The following MYOF variants were observed in gnomAD, a reference collection of about 807,000 sequenced individuals.
The protein encoded by MYOF is myoferlin, also known as fer-1-like 3, myoferlin.
MYOF carries 244 observed loss-of-function variants against 284.2 expected under a neutral mutation model. The ratio of observed to expected loss-of-function variants is 0.86; its 90% CI spans 0.77 to 0.95. MYOF has a LOEUF of 0.95. MYOF is among the 40% of genes least tolerant of loss of function. The pLI, the probability that MYOF is intolerant of heterozygous loss-of-function variation, is 0.00. For synonymous variants in MYOF, 904 were observed against 919.7 expected (o/e 0.98, Z 0.31); for missense variants, 2,496 against 2,560.6 (o/e 0.97, Z 0.54).
At chr10:93,387,715 CCTTCCGA>C in intron 19 of MYOF, 75 bp downstream of exon 19, 2 of 1,142,616 alleles carry the variant, frequency 1.8e-6, no homozygotes, top group Admixed American at 3.5e-5. Flanking sequence ...AGTTGGGTTG[CCTTCCGA>C]CTCCCCCAGC....
chr10:93,461,858 A>G (rs1412125578), intron 1 of MYOF, among the ~76,000 whole-genome samples: 3 of 152,210 alleles, frequency 2.0e-5, no homozygotes, highest in African/African-American at 7.2e-5. Context: ...AACTCATGAG[A>G]AAAACCAAGT....
intron 1 of MYOF, among the ~76,000 whole-genome samples, chr10:93,463,108 T>C (rs17391155): frequency 0.055 from 8,358 of 152,290 alleles, 382 homozygotes; most frequent in Admixed American, 0.14. Flanking sequence ...CACTCAGTTC[T>C]GCGGAGGTCA....
chr10:93,467,577 G>A (rs1215362274), intron 1 of MYOF, among the ~76,000 whole-genome samples: 1 of 151,910 alleles, frequency 6.6e-6, no homozygotes, highest in Admixed American at 6.6e-5. Context: ...AATTCCTCAG[G>A]GATCTAGAAC....
At chr10:93,408,558 T>C (rs1273095633) in intron 7 of MYOF, among the ~76,000 whole-genome samples, 1 of 151,882 alleles carries the variant, frequency 6.6e-6, no homozygotes, top group Non-Finnish European at 1.5e-5. Context: ...AAAAGCTATA[T>C]TTGTTACTTA....
At chr10:93,468,588 A>G (rs2057065298) in intron 1 of MYOF, among the ~76,000 whole-genome samples, 1 of 152,230 alleles carries the variant, frequency 6.6e-6, no homozygotes, top group Non-Finnish European at 1.5e-5. Context: ...AAAAATCTTG[A>G]TAATTAGATC....
chr10:93,396,801 G>A (rs1473266692), intron 15 of MYOF, among the ~76,000 whole-genome samples: 3 of 152,132 alleles, frequency 2.0e-5, no homozygotes, highest in Non-Finnish European at 4.4e-5. Flanking sequence ...AGTGCTAGAA[G>A]GCTGGTCTAC....
rs1053844529 is a variant in MYOF, at chr10:93,307,428, G to C, written c.6148-427C>G. ...CCATTCTCCTGCCTCAGCCTCCAGAGCAGCTGGGACTACAGGCGCCTGCCA... is the reference window on the plus strand; with the variant it reads ...CCATTCTCCTGCCTCAGCCTCCAGACCAGCTGGGACTACAGGCGCCTGCCA... On this transcript the variant is annotated intron_variant, in intron 53 of 53. Transcript: ENST00000359263. 3.3e-5 allele frequency among the ~76,000 whole-genome samples: 5 copies of C among 151,710 alleles called. No homozygotes were observed. In the East Asian group the frequency reaches 9.8e-4, roughly 30 times the overall value.
Position 93,399,445 on chromosome 10 carries a change from C to T in MYOF, c.1168G>A (p.Asp390Asn), listed in dbSNP as rs779269836. The T allele has an allele frequency of 1.2e-6, 2 of 1,613,842 alleles. No homozygotes were observed. The highest frequency in any genetic ancestry group is 1.7e-5 in the Admixed American group (1 of 60,024). ...TVKEIFGGNA[D>N]KKNLVDPFVE... The stretch of plus-strand genomic sequence containing the variant: ...AAAGGATCCACGAGATTTTTCTTAT[C>T]TGCATTGCCTCCAAATATTTCCTTT... The change falls in exon 13 of 54, where the codon GAT (aspartate) becomes AAT (asparagine). Residue 390 changes from aspartate to asparagine, a missense_variant. Asp to Asn is a conservative substitution (Grantham distance 23). Coordinates refer to ENST00000359263, the MANE Select transcript of MYOF (RefSeq NM_013451.4).
chr10:93,369,645 C>T lies in MYOF; in HGVS notation c.2589G>A (p.Met863Ile). The T allele has an allele frequency of 6.2e-7, 1 of 1,614,088 alleles. No individual in the cohort carries two copies. Among genetic ancestry groups the T allele is most frequent in the Non-Finnish European group, 8.5e-7 (1 of 1,179,986 alleles). ...AAGATAGTGAAATCATTAAAGGTAC[C>T]ATTTCAGCAAAGACGGTGAAAGTTC... The part of the protein sequence containing the change: ...AEGTFTVFAE[M>I]YENQALMFGK... Residue 863 changes from methionine (M) to isoleucine (I), a missense_variant and splice_region_variant, in exon 25 of 54, where the codon ATG (methionine) becomes ATA (isoleucine). Met to Ile is a conservative substitution (Grantham distance 10). This residue lies in a region of MYOF where 2,436 missense variants were observed against 2,480.7 expected (regional missense o/e 0.98). Coordinates refer to ENST00000359263, the MANE Select transcript of MYOF (RefSeq NM_013451.4).
Position 93,359,744 on chromosome 10 carries a change from A to G in MYOF, c.3120+89T>C, listed in dbSNP as rs538205751. ...AGTGTTAGGCTCTGGATTTGCAAAT[A>G]ATTTCTGCAGAAATGGCTAGTTAGC... On this transcript the variant is annotated intron_variant, in intron 29 of 53. Coordinates refer to ENST00000359263, the MANE Select transcript of MYOF (RefSeq NM_013451.4). The G allele has an allele frequency of 3.9e-6, 6 of 1,553,276 alleles. No individual in the cohort carries two copies. The South Asian group carries it at 6.0e-5, about 16-fold the overall frequency.
Position 93,306,825 on chromosome 10 carries a change from G to A in MYOF, c.*138C>T. ...ACTTTCCAGGACTAAGACCCTCTGG[G>A]AATCAATGGGGCTCGGTGACATGGC... On this transcript the variant is annotated 3_prime_UTR_variant, in exon 54 of 54. Coordinates refer to ENST00000359263, the MANE Select transcript of MYOF (RefSeq NM_013451.4). The A allele has an allele frequency of 2.3e-6, 2 of 866,628 alleles. No individual in the cohort carries two copies. The highest frequency in any genetic ancestry group is 3.7e-6 in the Non-Finnish European group (2 of 537,446). The allele number at this position is 866,628 out of a possible 1,614,324, so 53.7% of individuals were successfully genotyped here. A position where few individuals can be genotyped will look rare whatever the true frequency, so the allele number is the denominator to read the frequency against.
chr10:93,462,274 T>C (rs1007691003), intron 1 of MYOF, among the ~76,000 whole-genome samples: 2 of 152,168 alleles, frequency 1.3e-5, no homozygotes, highest in African/African-American at 2.4e-5. Context: ...TTCCCCATGT[T>C]GGCCAGGCTA....
At chr10:93,345,717 G>GAGGAGA (rs1158872604) in intron 37 of MYOF, among the ~76,000 whole-genome samples, 1 of 152,212 alleles carries the variant, frequency 6.6e-6, no homozygotes, top group African/African-American at 2.4e-5. Flanking sequence ...CAAGGGACAG[G>GAGGAGA]AGGAGAAAGT....
At chr10:93,409,868 G>A in intron 5 of MYOF, 129 bp from the exon 6 acceptor site, 1 of 1,132,124 alleles carries the variant, frequency 8.8e-7, no homozygotes, top group Non-Finnish European at 1.3e-6. Context: ...AGGTGAAGGA[G>A]ATCCTCTTGG....
chr10:93,321,852 G>A (rs1249955095), intron 48 of MYOF, among the ~76,000 whole-genome samples: 1 of 152,014 alleles, frequency 6.6e-6, no homozygotes, highest in African/African-American at 2.4e-5. Flanking sequence ...TCTAGCACTA[G>A]GCATGGTATT....
At chr10:93,403,038 T>A in intron 9 of MYOF, 148 bp from the exon 10 acceptor site, 1 of 669,540 alleles carries the variant, frequency 1.5e-6, no homozygotes, top group Admixed American at 2.6e-5. Flanking sequence ...CCTCTCTGTA[T>A]CCCCAGTGCC....
At position 93,402,269 on chromosome 10, in the gene MYOF, A is replaced by T; in HGVS notation, c.953T>A (p.Val318Asp). 6.2e-7 allele frequency: 1 copy of T among 1,614,140 alleles called. No homozygotes were observed. The highest frequency in any genetic ancestry group is 8.5e-7 in the Non-Finnish European group (1 of 1,180,000). The change falls in exon 11 of 54, where the codon GTC becomes GAC. Residue 318 changes from valine to aspartate, a missense_variant. This residue lies in a region of MYOF where 2,436 missense variants were observed against 2,480.7 expected (regional missense o/e 0.98). Coordinates refer to ENST00000359263, the MANE Select transcript of MYOF (RefSeq NM_013451.4). ...TCCGGTTCCCAGGACAAACATGCTG[A>T]CTTTCATATAACCTTTAGAACCTGA... ...TSSGSKGYMK[V>D]SMFVLGTGDE... is the part of the protein sequence containing the mutation.
At chr10:93,455,405 C>T (rs538235560) in intron 2 of MYOF, among the ~76,000 whole-genome samples, 8 of 152,264 alleles carry the variant, frequency 5.3e-5, no homozygotes, top group African/African-American at 1.9e-4. Flanking sequence ...CAATGGCTCA[C>T]ACCTGTAATC....
At chr10:93,389,005 T>C in intron 18 of MYOF, 25 bp downstream of exon 18, 8 of 1,608,026 alleles carry the variant, frequency 5.0e-6, no homozygotes, top group Non-Finnish European at 5.9e-6. Flanking sequence ...TGCTGATTAA[T>C]AACCACCTTA....
Sources: allele counts gnomAD v4.1 joint callset (sites outside exome capture counted in the v4.1 genomes callset), GRCh38; gene constraint gnomAD v4.1.1; regional missense constraint gnomAD v4.1.1; transcripts MANE v1.5; gene names NCBI Gene and HGNC (gene_info 2026-07-23, HGNC 2026-07-21).